The following CNTN4 variants were observed in gnomAD, a reference collection of about 807,000 sequenced individuals.
The protein encoded by CNTN4 is contactin-4.
CNTN4 carries 77 observed loss-of-function variants against 122.5 expected under a neutral mutation model. The observed-to-expected ratio is 0.63, with a 90% CI of 0.52 to 0.76. CNTN4 has a LOEUF of 0.76. CNTN4 is among the 30% of genes least tolerant of loss of function. The pLI is 0.00. For missense variants in CNTN4, 1,256 were observed against 1,259.1 expected (o/e 1.00, Z 0.04); for synonymous variants, 512 against 447.0 (o/e 1.15, Z -1.83).
intron 3 of CNTN4, among the ~76,000 whole-genome samples, chr3:2,356,146 G>C (rs552439004): frequency 6.6e-6 from 1 of 152,212 alleles, no homozygotes; most frequent in South Asian, 2.1e-4. Context: ...CTGGAAAGGG[G>C]TCCCAATCAA....
intron 7 of CNTN4, among the ~76,000 whole-genome samples, chr3:2,855,615 G>A (rs1409187209): frequency 6.6e-6 from 1 of 152,212 alleles, no homozygotes; most frequent in African/African-American, 2.4e-5. Context: ...GTCTTATTCA[G>A]TCCAGGTGTT....
chr3:2,976,693 A>G (rs1353532225), intron 13 of CNTN4, among the ~76,000 whole-genome samples: 1 of 152,224 alleles, frequency 6.6e-6, no homozygotes, highest in Admixed American at 6.5e-5. Context: ...AATTACCACA[A>G]AACAATCTTT....
chr3:2,556,437 G>T (rs1288257571), intron 3 of CNTN4, among the ~76,000 whole-genome samples: 1 of 152,190 alleles, frequency 6.6e-6, no homozygotes, highest in Admixed American at 6.5e-5. Flanking sequence ...GCATAGTGTT[G>T]TGTTTACTAC....
At chr3:3,011,497 G>A (rs1246493364) in intron 14 of CNTN4, among the ~76,000 whole-genome samples, 2 of 152,166 alleles carry the variant, frequency 1.3e-5, no homozygotes, top group Non-Finnish European at 2.9e-5. Context: ...TCTAGGGATC[G>A]TTTTCAAACT....
intron 3 of CNTN4, among the ~76,000 whole-genome samples, chr3:2,448,756 C>T (rs573832327): frequency 1.3e-5 from 2 of 152,288 alleles, no homozygotes; most frequent in East Asian, 3.9e-4. Context: ...CCTCTGTTAA[C>T]TCTGCCCTGG....
chr3:2,979,365 TGAGAA>T (rs1693741623), intron 13 of CNTN4, among the ~76,000 whole-genome samples: 2 of 151,942 alleles, frequency 1.3e-5, no homozygotes, highest in African/African-American at 4.8e-5. Context: ...ACCAGGGGAA[TGAGAA>T]GAGAAAAGAG....
At chr3:2,785,470 C>T (rs569348914) in intron 6 of CNTN4, among the ~76,000 whole-genome samples, 7 of 152,202 alleles carry the variant, frequency 4.6e-5, no homozygotes, top group Non-Finnish European at 8.8e-5. Flanking sequence ...CTTGCTGAGT[C>T]CACTGATTGC....
At chr3:2,271,481 T>C (rs554728370) in intron 2 of CNTN4, among the ~76,000 whole-genome samples, 6 of 152,194 alleles carry the variant, frequency 3.9e-5, no homozygotes, top group Non-Finnish European at 8.8e-5. Context: ...CTCCATTTCT[T>C]CATTTGTTAA....
intron 2 of CNTN4, among the ~76,000 whole-genome samples, chr3:2,101,466 A>G (rs1427031049): frequency 2.0e-5 from 3 of 152,198 alleles, no homozygotes; most frequent in Non-Finnish European, 4.4e-5. Context: ...TTAAAAATTA[A>G]TATTTTGTAA....
intron 2 of CNTN4, among the ~76,000 whole-genome samples, chr3:2,108,170 T>TC (rs1261545557): frequency 1.4e-5 from 2 of 139,128 alleles, no homozygotes; most frequent in African/African-American, 2.6e-5. Flanking sequence ...CTTTTCTTTT[T>TC]TTTTTTTTTT....
intron 3 of CNTN4, among the ~76,000 whole-genome samples, chr3:2,370,778 C>T (rs1287217809): frequency 1.3e-5 from 2 of 151,960 alleles, no homozygotes; most frequent in Non-Finnish European, 2.9e-5. Flanking sequence ...AGAGATTTAT[C>T]CCAATTTCTA....
At chr3:2,367,297 C>A (rs534643300) in intron 3 of CNTN4, among the ~76,000 whole-genome samples, 3 of 152,020 alleles carry the variant, frequency 2.0e-5, no homozygotes, top group African/African-American at 7.2e-5. Context: ...GTTGCTTTTC[C>A]AGATTTTATT....
At chr3:2,662,330 G>A (rs945223563) in intron 4 of CNTN4, among the ~76,000 whole-genome samples, 3 of 152,204 alleles carry the variant, frequency 2.0e-5, no homozygotes, top group Admixed American at 6.5e-5. Flanking sequence ...TTCAATGGAG[G>A]AGAGTGGCAG....
intron 3 of CNTN4, among the ~76,000 whole-genome samples, chr3:2,513,435 T>A (rs2076947230): frequency 6.6e-6 from 1 of 152,082 alleles, no homozygotes; most frequent in African/African-American, 2.4e-5. Context: ...TGATTTTTTT[T>A]AAACAAATGC....
At chr3:2,482,422 G>T (rs1345299268) in intron 3 of CNTN4, among the ~76,000 whole-genome samples, 1 of 151,288 alleles carries the variant, frequency 6.6e-6, no homozygotes, top group Non-Finnish European at 1.5e-5. Flanking sequence ...GCAGCCTGAT[G>T]ATGTGATAGA....
intron 2 of CNTN4, among the ~76,000 whole-genome samples, chr3:2,275,344 C>A (rs2041462756): frequency 1.3e-5 from 2 of 152,122 alleles, no homozygotes; most frequent in South Asian, 4.1e-4. Flanking sequence ...GATTTATGTG[C>A]TAATTGGATC....
At chr3:2,113,457 G>A (rs577493405) in intron 2 of CNTN4, among the ~76,000 whole-genome samples, 2 of 152,110 alleles carry the variant, frequency 1.3e-5, no homozygotes, top group African/African-American at 2.4e-5. Context: ...TTTTCCTCAC[G>A]CAGATGCACT....
At chr3:2,768,155 A>G (rs2090943479) in intron 6 of CNTN4, among the ~76,000 whole-genome samples, 1 of 152,148 alleles carries the variant, frequency 6.6e-6, no homozygotes, top group South Asian at 2.1e-4. Context: ...ATTAAACATC[A>G]CAAATGTATC....
intron 2 of CNTN4, among the ~76,000 whole-genome samples, chr3:2,187,196 A>G (rs1043693274): frequency 6.6e-6 from 1 of 152,028 alleles, no homozygotes; most frequent in Non-Finnish European, 1.5e-5. Flanking sequence ...TCCTTTCCGC[A>G]TTTCTTGTTT....
Sources: allele counts gnomAD v4.1 joint callset (sites outside exome capture counted in the v4.1 genomes callset), GRCh38; gene constraint gnomAD v4.1.1; transcripts MANE v1.5; gene names NCBI Gene and HGNC (gene_info 2026-07-23, HGNC 2026-07-21).